The following CADPS2 variants were observed in gnomAD, a reference collection of about 807,000 sequenced individuals.
CADPS2 encodes the protein calcium dependent secretion activator 2.
In CADPS2, 93 loss-of-function variants were observed where a neutral mutation model predicts 172.5. That is an observed-to-expected ratio of 0.54 (90% CI 0.46 to 0.64). CADPS2 has a LOEUF of 0.64. Among genes scored for constraint, CADPS2 ranks in the 30% least tolerant of loss-of-function variants. CADPS2 has a pLI of 0.00. For missense variants in CADPS2, 1,420 were observed against 1,565.9 expected (o/e 0.91, Z 1.57); for synonymous variants, 546 against 555.2 (o/e 0.98, Z 0.23).
chr7:122,452,558 G>T (rs1214827019), intron 14 of CADPS2, among the ~76,000 whole-genome samples: 1 of 152,074 alleles, frequency 6.6e-6, no homozygotes, highest in Non-Finnish European at 1.5e-5. Context: ...ACTATGCTTG[G>T]CTAATTTTTG....
intron 1 of CADPS2, among the ~76,000 whole-genome samples, chr7:122,806,889 CAG>C (rs1477398326): frequency 6.6e-6 from 1 of 152,128 alleles, no homozygotes; most frequent in African/African-American, 2.4e-5. Context: ...ATCTATGGGA[CAG>C]GGGAGAATAC....
intron 1 of CADPS2, among the ~76,000 whole-genome samples, chr7:122,835,469 G>T (rs1387482446): frequency 6.6e-6 from 1 of 152,194 alleles, no homozygotes; most frequent in Admixed American, 6.5e-5. Flanking sequence ...GAAGGCTTCA[G>T]ATAATCAAAC....
chr7:122,653,508 C>G (rs537002206), intron 3 of CADPS2, among the ~76,000 whole-genome samples: 1 of 152,310 alleles, frequency 6.6e-6, no homozygotes, highest in East Asian at 1.9e-4. Flanking sequence ...CTTATCTTTT[C>G]TTTTTAACCT....
Position 122,441,504 on chromosome 7 carries a change from A to C in CADPS2, c.2352+8T>G. On this transcript the variant is annotated splice_region_variant and intron_variant, in intron 16 of 29. Coordinates refer to ENST00000449022, the MANE Select transcript of CADPS2 (RefSeq NM_017954.11). ...AAATAGTATTTATAAAGTAATGTTC[A>C]AACATACCCTTTCAAGTAATGAAAG... 1 of 1,518,572 alleles carries C rather than the reference A, an allele frequency of 6.6e-7. No individual in the cohort carries two copies. The highest frequency in any genetic ancestry group is 8.8e-7 in the Non-Finnish European group (1 of 1,131,716). The allele number at this position is 1,518,572 out of a possible 1,614,324, so 94.1% of individuals were successfully genotyped here.
intron 2 of CADPS2, among the ~76,000 whole-genome samples, chr7:122,700,122 C>T (rs2085791888): frequency 6.6e-6 from 1 of 152,158 alleles, no homozygotes; most frequent in South Asian, 2.1e-4. Context: ...CACGCTGCTA[C>T]TGGTACACTT....
intron 20 of CADPS2, among the ~76,000 whole-genome samples, chr7:122,399,926 C>T (rs1383714538): frequency 2.7e-5 from 4 of 147,432 alleles, no homozygotes; most frequent in South Asian, 2.2e-4. Context: ...CGTCCGCCTC[C>T]GCCTCCCAAA....
At chr7:122,606,416 G>T (rs181207552) in intron 6 of CADPS2, among the ~76,000 whole-genome samples, 1 of 152,282 alleles carries the variant, frequency 6.6e-6, no homozygotes, top group Non-Finnish European at 1.5e-5. Context: ...TGCTTATCCA[G>T]GTAGCCTCAT....
chr7:122,459,517 T>TG (rs1314275791), intron 14 of CADPS2, among the ~76,000 whole-genome samples: 33 of 152,300 alleles, frequency 2.2e-4, no homozygotes, highest in African/African-American at 7.7e-4. Flanking sequence ...TCCTGCAACC[T>TG]CACCAACTGT....
intron 2 of CADPS2, among the ~76,000 whole-genome samples, chr7:122,726,805 A>G (rs1360058637): frequency 6.6e-6 from 1 of 151,756 alleles, no homozygotes; most frequent in East Asian, 1.9e-4. Flanking sequence ...CACATATAAG[A>G]TAGAGTTTGC....
At chr7:122,636,392 T>A (rs1302555894) in intron 3 of CADPS2, among the ~76,000 whole-genome samples, 1 of 152,032 alleles carries the variant, frequency 6.6e-6, no homozygotes. Flanking sequence ...ATGGTTGGAA[T>A]TTCTTTTCTT....
At chr7:122,330,385 A>G (rs1197303150) in intron 28 of CADPS2, among the ~76,000 whole-genome samples, 1 of 152,194 alleles carries the variant, frequency 6.6e-6, no homozygotes, top group South Asian at 2.1e-4. Context: ...TTTCACCAGT[A>G]TATTTCTATT....
chr7:122,784,037 T>G (rs902844063), intron 1 of CADPS2, among the ~76,000 whole-genome samples: 1 of 152,220 alleles, frequency 6.6e-6, no homozygotes, highest in African/African-American at 2.4e-5. Context: ...AGTGTTTCAT[T>G]CCATTAGTAG....
At chr7:122,748,236 T>A (rs2092802670) in intron 1 of CADPS2, among the ~76,000 whole-genome samples, 1 of 152,170 alleles carries the variant, frequency 6.6e-6, no homozygotes, top group Non-Finnish European at 1.5e-5. Context: ...GATAGCTGTA[T>A]GTTGTCCAAA....
At chr7:122,354,294 C>A (rs2039071723) in intron 27 of CADPS2, 1 of 151,980 alleles carries the variant, frequency 6.6e-6, no homozygotes, top group African/African-American at 2.4e-5. Context: ...TCACAATAAG[C>A]CTATAAGAGG....
intron 15 of CADPS2, among the ~76,000 whole-genome samples, chr7:122,442,028 G>C (rs1209175311): frequency 1.3e-5 from 2 of 152,104 alleles, no homozygotes; most frequent in South Asian, 4.1e-4. Flanking sequence ...GCTGACATTT[G>C]CCTGTCTACC....
chr7:122,658,170 C>T (rs1301911052), intron 3 of CADPS2, among the ~76,000 whole-genome samples: 1 of 152,130 alleles, frequency 6.6e-6, no homozygotes, highest in African/African-American at 2.4e-5. Context: ...CAGAGAAATG[C>T]AAATCAAAAC....
chr7:122,718,147 T>TA (rs1353256623), intron 2 of CADPS2, among the ~76,000 whole-genome samples: 4 of 151,776 alleles, frequency 2.6e-5, no homozygotes, highest in Non-Finnish European at 4.4e-5. Context: ...TTCTTTAGTT[T>TA]AAAAAAACAC....
chr7:122,345,579 A>G lies in CADPS2; in HGVS notation c.3607T>C (p.Phe1203Leu). The G allele has an allele frequency of 1.4e-5, 22 of 1,594,612 alleles. No homozygotes were observed. Among genetic ancestry groups the G allele is most frequent in the Non-Finnish European group, 1.8e-5 (21 of 1,163,874 alleles). ...TTGCAAGGGAAGCTACTTACATCAA[A>G]TAACTTTTCTATATACATTTCCTCA... ...VNEEMYIEKL[F>L]DQWYSSSMKV... Residue 1203 changes from phenylalanine (F) to leucine (L), a missense_variant, in exon 28 of 30, where the codon TTT becomes CTT. Physicochemically the swap from Phe to Leu is conservative, Grantham distance 22. Transcript: ENST00000449022.
chr7:122,495,454 A>G (rs950408820), intron 9 of CADPS2, among the ~76,000 whole-genome samples: 12 of 152,178 alleles, frequency 7.9e-5, no homozygotes, highest in Non-Finnish European at 1.5e-4. Flanking sequence ...TATCATACAT[A>G]TTATTCTGCA....
Sources: allele counts gnomAD v4.1 joint callset (sites outside exome capture counted in the v4.1 genomes callset), GRCh38; gene constraint gnomAD v4.1.1; transcripts MANE v1.5; gene names NCBI Gene and HGNC (gene_info 2026-07-23, HGNC 2026-07-21).